The following H2BW2 variants were observed in gnomAD, a reference collection of about 807,000 sequenced individuals.
The protein encoded by H2BW2 is histone H2B type F-M.
H2BW2 carries 8 observed loss-of-function variants against 9.2 expected under a neutral mutation model. The observed-to-expected ratio is 0.87, with a 90% CI of 0.51 to 1.57. H2BW2 has a LOEUF of 1.57. Among genes scored for constraint, H2BW2 ranks in the 40% most tolerant of loss-of-function variants. H2BW2 has a pLI of 0.00. For synonymous variants in H2BW2, 80 were observed against 56.8 expected (o/e 1.41, Z -1.84); for missense variants, 193 against 137.3 (o/e 1.41, Z -2.03).
chrX:104,040,117 C>A lies in H2BW2; in HGVS notation c.123C>A (p.Arg41=), dbSNP rs1340219812. ...KRRGCRGSRR[R]HANRRGDSFG... is the part of the protein sequence containing the mutation. ...GAGGGTGCCGAGGCTCCCGCAGGCG[C>A]CACGCCAACCGCCGTGGGGACAGCT... The change falls in exon 1 of 4, where the codon CGC becomes CGA. Residue 41 remains arginine, a synonymous_variant. Coordinates refer to ENST00000675318, the MANE Select transcript of H2BW2 (RefSeq NM_001388464.1). 4.3e-6 allele frequency: 5 copies of A among 1,171,431 alleles called. No homozygotes were observed. In the Admixed American group the frequency reaches 1.3e-4, roughly 29 times the overall value.
rs1369034738 is a variant in H2BW2 at position 104,042,343 on chromosome X, C to T, written c.*273C>T. The T allele has an allele frequency of 8.9e-6, 1 of 112,145 alleles. No individual in the cohort carries two copies. The highest frequency in any genetic ancestry group is 3.2e-5 in the African/African-American group (1 of 30,870). 9.2% of individuals were successfully genotyped at this position (112,145 alleles called of 1,213,427 possible). ...AGACAGAGCTGTGTACCTGACAAAA[C>T]ACCACATCTCACTCAGTGACTTATT... On this transcript the variant is annotated 3_prime_UTR_variant, in exon 4 of 4. Transcript: ENST00000675318.
Position 104,040,474 on chromosome X carries a change from A to AACC in H2BW2, c.410+74_410+76dup, listed in dbSNP as rs1481967564. The AACC allele has an allele frequency of 2.6e-5, 26 of 989,350 alleles. No homozygotes were observed. In the African/African-American group the frequency reaches 5.1e-4, roughly 19 times the overall value. 81.5% of individuals were successfully genotyped at this position (989,350 alleles called of 1,213,427 possible). A position where few individuals can be genotyped will look rare whatever the true frequency, so the allele number is the denominator to read the frequency against. ...TGGGAAACCCAAAGGCTCTATTCAG[A>AACC]ACCACCGCCCGTGGCCCTATAGGCC... On this transcript the variant is annotated intron_variant, in intron 1 of 3. Transcript: ENST00000675318.
chrX:104,040,306 G>A lies in H2BW2; in HGVS notation c.312G>A (p.Val104=), dbSNP rs1556343899. Residue 104 remains valine, a synonymous_variant, in exon 1 of 4, where the codon GTG becomes GTA. Coordinates refer to ENST00000675318, the MANE Select transcript of H2BW2 (RefSeq NM_001388464.1). ...AGQLAHYTKR[V]TITSRDIQMA... is the part of the protein sequence containing the mutation. Reference sequence around the variant, plus strand: ...AGCTGGCCCATTACACCAAGCGCGTGACCATCACCTCCCGGGACATCCAGA... The same window carrying A: ...AGCTGGCCCATTACACCAAGCGCGTAACCATCACCTCCCGGGACATCCAGA... 4.2e-6 allele frequency: 5 copies of A among 1,195,943 alleles called. No homozygotes were observed.
At chrX:104,040,625 T>C (rs186615793) in intron 1 of H2BW2, among the ~76,000 whole-genome samples, 1 of 112,546 alleles carries the variant, frequency 8.9e-6, no homozygotes, top group East Asian at 2.8e-4. Flanking sequence ...CAAAACACTG[T>C]CAACTCCAAT....
At position 104,040,204 on chromosome X, in the gene H2BW2, C is replaced by T. The variant is rs781889555; in HGVS notation, c.210C>T (p.Ser70=). The T allele has an allele frequency of 9.2e-6, 11 of 1,190,626 alleles. No homozygotes were observed. The African/African-American group carries it at 1.9e-4, about 21-fold the overall frequency. Residue 70 remains serine, a synonymous_variant, in exon 1 of 4, where the codon AGC becomes AGT. Coordinates refer to ENST00000675318, the MANE Select transcript of H2BW2 (RefSeq NM_001388464.1). ...RVLKQVHQGL[S]LSQEAVSVMD... The stretch of plus-strand genomic sequence containing the variant: ...TGAAGCAGGTTCACCAGGGCCTCAG[C>T]CTTTCCCAGGAGGCCGTGAGTGTCA...
chrX:104,040,054 A>G lies in H2BW2; in HGVS notation c.60A>G (p.Lys20=). 2.6e-6 allele frequency: 3 copies of G among 1,167,181 alleles called. No individual in the cohort carries two copies. Among genetic ancestry groups the G allele is most frequent in the South Asian group, 3.8e-5 (2 of 52,060 alleles). Residue 20 remains lysine (K), a synonymous_variant, in exon 1 of 4, where the codon AAA becomes AAG. Coordinates refer to ENST00000675318, the MANE Select transcript of H2BW2 (RefSeq NM_001388464.1). ...SEEGQSIQEP[K]EANSTKAQKQ... ...AAGGCCAGAGCATCCAGGAGCCCAAAGAGGCCAACTCCACGAAGGCCCAGA... is the reference window on the plus strand; with the variant it reads ...AAGGCCAGAGCATCCAGGAGCCCAAGGAGGCCAACTCCACGAAGGCCCAGA...
chrX:104,041,293 T>G (rs1377449431), intron 3 of H2BW2, 187 bp downstream of exon 3: 2 of 142,221 alleles, frequency 1.4e-5, no homozygotes, highest in Admixed American at 8.4e-5. Context: ...GGAACGGCAG[T>G]GTGATTCTTT....
rs1438401435 is a variant in H2BW2 at position 104,040,162 on chromosome X, C to T, written c.168C>T (p.Pro56=). The T allele has an allele frequency of 4.2e-6, 5 of 1,185,573 alleles. No individual in the cohort carries two copies. In the Admixed American group the frequency reaches 7.1e-5, roughly 17 times the overall value. ...ACAGCTTCGGGGACAGCTTCACCCC[C>T]TATTTCCCCCGGGTGCTGAAGCAGG... ...RGDSFGDSFT[P]YFPRVLKQVH... The change falls in exon 1 of 4, where the codon CCC becomes CCT. Residue 56 remains proline (P), a synonymous_variant. Coordinates refer to ENST00000675318, the MANE Select transcript of H2BW2 (RefSeq NM_001388464.1).
At chrX:104,041,148 C>A (rs1323935828) in intron 3 of H2BW2, 42 bp downstream of exon 3, 5 of 366,493 alleles carry the variant, frequency 1.4e-5, no homozygotes, top group Non-Finnish European at 2.4e-5. Flanking sequence ...GGAAACAGCT[C>A]ATGCCCTAGT....
chrX:104,041,662 A>G (rs1230382588), intron 3 of H2BW2: 6 of 111,376 alleles, frequency 5.4e-5, no homozygotes, highest in Non-Finnish European at 7.5e-5. Flanking sequence ...ATACTCTGGG[A>G]CTGCAACCCA....
At chrX:104,040,458 C>T in intron 1 of H2BW2, 54 bp downstream of exon 1, 1 of 1,038,062 alleles carries the variant, frequency 9.6e-7, no homozygotes, top group South Asian at 2.4e-5. Flanking sequence ...CTGGGAAACC[C>T]AAAGGCTCTA....
At position 104,040,134 on chromosome X, in the gene H2BW2, G is replaced by A. The variant is rs782256602; in HGVS notation, c.140G>A (p.Gly47Glu). Reference protein sequence around the residue: ...GSRRRHANRRGDSFGDSFTPY... With the variant: ...GSRRRHANRREDSFGDSFTPY... ...CGCAGGCGCCACGCCAACCGCCGTG[G>A]GGACAGCTTCGGGGACAGCTTCACC... The change falls in exon 1 of 4, where the codon GGG becomes GAG. Residue 47 changes from glycine (G) to glutamate (E), a missense_variant. Physicochemically the swap from Gly to Glu is moderately conservative, Grantham distance 98. Transcript: ENST00000675318. The A allele has an allele frequency of 2.1e-5, 25 of 1,176,406 alleles. No individual in the cohort carries two copies. In the South Asian group the frequency reaches 4.5e-4, roughly 21 times the overall value.
chrX:104,040,241 A>G lies in H2BW2; in HGVS notation c.247A>G (p.Ile83Val), dbSNP rs781782811. ...QEAVSVMDSM[I>V]HDILDRIATE... ...GGCCGTGAGTGTCATGGATTCTATG[A>G]TCCATGACATATTGGACCGCATCGC... Residue 83 changes from isoleucine to valine, a missense_variant, in exon 1 of 4, where the codon ATC (isoleucine) becomes GTC (valine). Physicochemically the swap from Ile to Val is conservative, Grantham distance 29. Coordinates refer to ENST00000675318, the MANE Select transcript of H2BW2 (RefSeq NM_001388464.1). The G allele has an allele frequency of 1.7e-6, 2 of 1,192,017 alleles. No individual in the cohort carries two copies. The highest frequency in any genetic ancestry group is 1.8e-5 in the African/African-American group (1 of 56,428).
Position 104,040,382 on chromosome X carries a change from C to A in H2BW2, c.388C>A (p.Gln130Lys). 3 of 1,163,337 alleles carry A rather than the reference C, an allele frequency of 2.6e-6. No homozygotes were observed. The highest frequency in any genetic ancestry group is 3.4e-6 in the Non-Finnish European group (3 of 871,307). The change falls in exon 1 of 4, where the codon CAG (glutamine) becomes AAG (lysine). Residue 130 changes from glutamine to lysine, a missense_variant. Physicochemically the swap from Gln to Lys is moderately conservative, Grantham distance 53. Transcript: ENST00000675318. ...GAAGATGGGCAAGCTCGCCGAGGCC[C>A]AGGGCACGAATGCCGCCCTCAGGTA... The part of the protein sequence containing the change: ...PGKMGKLAEA[Q>K]GTNAALRTSL...
chrX:104,040,531 G>T, intron 1 of H2BW2, 127 bp downstream of exon 1: 1 of 634,229 alleles, frequency 1.6e-6, no homozygotes, highest in African/African-American at 2.2e-5. Context: ...CCCCACCGGA[G>T]GTTGGTGTGG....
intron 2 of H2BW2, 88 bp from the exon 3 acceptor site, chrX:104,041,000 G>A (rs185046877): frequency 1.3e-4 from 92 of 720,390 alleles, no homozygotes; most frequent in African/African-American, 1.1e-3. Context: ...GAATCCATTC[G>A]TTTTCCAGCT....
chrX:104,042,210 A>T lies in H2BW2; in HGVS notation c.*140A>T, dbSNP rs2075207475. On this transcript the variant is annotated 3_prime_UTR_variant, in exon 4 of 4. Transcript: ENST00000675318. ...GAGGAGACCAAGAAAAACCCCACAA[A>T]ATCAGCTGCAAGTAAATCCTTCTGG... is the stretch of plus-strand genomic sequence containing the variant. 1 of 112,412 alleles carries T rather than the reference A, an allele frequency of 8.9e-6. No individual in the cohort carries two copies. The highest frequency in any genetic ancestry group is 1.9e-5 in the Non-Finnish European group (1 of 53,283). The allele number at this position is 112,412 out of a possible 1,213,427, so 9.3% of individuals were successfully genotyped here.
Position 104,040,024 on chromosome X carries a change from G to A in H2BW2, c.30G>A (p.Ser10=), listed in dbSNP as rs782508852. Residue 10 remains serine (S), a synonymous_variant, in exon 1 of 4, where the codon TCG becomes TCA. Coordinates refer to ENST00000675318, the MANE Select transcript of H2BW2 (RefSeq NM_001388464.1). Reference sequence around the variant, plus strand: ...CTGAGGCTTCCTCTGAGACAACCTCGGAGGAAGGCCAGAGCATCCAGGAGC... The same window carrying A: ...CTGAGGCTTCCTCTGAGACAACCTCAGAGGAAGGCCAGAGCATCCAGGAGC... The part of the protein sequence containing the change: MAEASSETT[S]EEGQSIQEPK... 6.0e-6 allele frequency: 7 copies of A among 1,164,975 alleles called. No homozygotes were observed. Among genetic ancestry groups the A allele is most frequent in the Non-Finnish European group, 6.9e-6 (6 of 871,671 alleles).
chrX:104,042,349 A>C lies in H2BW2; in HGVS notation c.*279A>C, dbSNP rs2075208051. The C allele has an allele frequency of 4.5e-5, 5 of 112,088 alleles. No homozygotes were observed. The highest frequency in any genetic ancestry group is 1.6e-4 in the African/African-American group (5 of 30,848). 9.2% of individuals were successfully genotyped at this position (112,088 alleles called of 1,213,427 possible). On this transcript the variant is annotated 3_prime_UTR_variant, in exon 4 of 4. Coordinates refer to ENST00000675318, the MANE Select transcript of H2BW2 (RefSeq NM_001388464.1). ...AGCTGTGTACCTGACAAAACACCAC[A>C]TCTCACTCAGTGACTTATTTCTCAT...
Sources: gnomAD v4.1 joint callset for allele counts (sites outside exome capture counted in the v4.1 genomes callset) on GRCh38, gnomAD v4.1.1 for gene constraint, MANE v1.5 for transcripts, NCBI Gene and HGNC (gene_info 2026-07-23, HGNC 2026-07-21) for gene names.